TXNRD2: variants seen among roughly 807,000 people sequenced by gnomAD.
TXNRD2 encodes thioredoxin reductase 2.
Under a neutral mutation model 70.8 loss-of-function variants are expected in TXNRD2, and 67 were observed. The ratio of observed to expected loss-of-function variants is 0.95; its 90% CI spans 0.78 to 1.16. TXNRD2 has a LOEUF of 1.16. Among genes scored for constraint, TXNRD2 ranks in the 50% most tolerant of loss-of-function variants. TXNRD2 has a pLI of 0.00. For missense variants in TXNRD2, 644 were observed against 719.9 expected (o/e 0.89, Z 1.21); for synonymous variants, 301 against 295.8 (o/e 1.02, Z -0.18).
intron 8 of TXNRD2, among the ~76,000 whole-genome samples, chr22:19,900,348 CAT>C (rs1366224360): frequency 6.6e-6 from 1 of 152,206 alleles, no homozygotes; most frequent in East Asian, 1.9e-4. Flanking sequence ...TGCACACACA[CAT>C]AGGCACCACA....
In TXNRD2 at chr22:19,883,403, G is replaced by A. The variant is rs746370708; in HGVS notation, c.1008C>T (p.Pro336=). Residue 336 remains proline (P), a synonymous_variant, in exon 12 of 18, where the codon CCC becomes CCT. Transcript: ENST00000400521. The stretch of plus-strand genomic sequence containing the variant: ...AGTCCACCAGGATCTTCTGAGTGTC[G>A]GGGCTAGTATCTACCCCAGCCTTCT... The part of the protein sequence containing the change: ...NLEKAGVDTS[P]DTQKILVDSR... 43 of 1,614,036 alleles carry A rather than the reference G, an allele frequency of 2.7e-5. No individual in the cohort carries two copies. Among genetic ancestry groups the A allele is most frequent in the South Asian group, 2.4e-4 (22 of 91,080 alleles).
At chr22:19,914,523 G>C (rs778366071) in intron 7 of TXNRD2, among the ~76,000 whole-genome samples, 2 of 152,178 alleles carry the variant, frequency 1.3e-5, no homozygotes, top group Non-Finnish European at 2.9e-5. Flanking sequence ...AGTCACTAAG[G>C]GACACACACG....
chr22:19,926,461 G>A (rs573785586), intron 2 of TXNRD2, among the ~76,000 whole-genome samples: 1 of 152,098 alleles, frequency 6.6e-6, no homozygotes, highest in African/African-American at 2.4e-5. Flanking sequence ...CTGCACTCCA[G>A]TCAGGGTGAC....
chr22:19,940,844 C>T (rs1941686308), intron 1 of TXNRD2, among the ~76,000 whole-genome samples: 1 of 152,162 alleles, frequency 6.6e-6, no homozygotes, highest in South Asian at 2.1e-4. Flanking sequence ...ACCCTCCGTC[C>T]TGGAGACCCC....
At chr22:19,934,382 G>GAAAAAAAAAAAAA (rs35669821) in intron 1 of TXNRD2, among the ~76,000 whole-genome samples, 19 of 93,748 alleles carry the variant, frequency 2.0e-4, no homozygotes, top group African/African-American at 7.3e-4. Flanking sequence ...CTCTGTCTCA[G>GAAAAAAAAAAAAA]AAAAAAAAAA....
In TXNRD2 at chr22:19,915,789, G is replaced by A. The variant is rs752481782; in HGVS notation, c.504C>T (p.Cys168=). The A allele has an allele frequency of 5.5e-5, 88 of 1,614,080 alleles. No homozygotes were observed. Among genetic ancestry groups the A allele is most frequent in the Admixed American group, 6.7e-5 (4 of 60,002 alleles). Residue 168 remains cysteine (C), a synonymous_variant, in exon 6 of 18, where the codon TGC becomes TGT. Coordinates refer to ENST00000400521, the MANE Select transcript of TXNRD2 (RefSeq NM_006440.5). ...CCTCTTTCCCACCTTTGGCAACGCC[G>A]CAAACCGTGTGCTCGTCAACAAAGC... ...KASFVDEHTV[C]GVAKGGKEIL...
chr22:19,884,954 C>T (rs1267374769), intron 11 of TXNRD2, among the ~76,000 whole-genome samples: 1 of 152,192 alleles, frequency 6.6e-6, no homozygotes, highest in African/African-American at 2.4e-5. Flanking sequence ...GTCCAAACTA[C>T]ACCGTGCCCA....
chr22:19,905,671 A>C (rs1477847944), intron 8 of TXNRD2, among the ~76,000 whole-genome samples: 2 of 152,144 alleles, frequency 1.3e-5, no homozygotes, highest in Non-Finnish European at 2.9e-5. Flanking sequence ...ATTTCCCTGA[A>C]GGTCCAGCAG....
intron 11 of TXNRD2, chr22:19,884,619 C>A (rs1023305551): frequency 1.3e-5 from 2 of 152,246 alleles, no homozygotes; most frequent in Non-Finnish European, 2.9e-5. Flanking sequence ...CCTCAAGAGT[C>A]CAGAGGGGCC....
intron 2 of TXNRD2, among the ~76,000 whole-genome samples, chr22:19,922,821 G>C (rs879281430): frequency 6.6e-6 from 1 of 152,040 alleles, no homozygotes; most frequent in Admixed American, 6.6e-5. Context: ...TGAATAGCTG[G>C]GATTACAGGT....
rs578109898 is a variant in TXNRD2 at position 19,879,851 on chromosome 22, A to G, written c.1275+328T>C. On this transcript the variant is annotated intron_variant, in intron 14 of 17. Transcript: ENST00000400521. ...TGCTGGTGCTGGGCACCCCTGCAGCATGGCTGGGGTGGGGCTGGGGGCTTC... is the reference window on the plus strand; with the variant it reads ...TGCTGGTGCTGGGCACCCCTGCAGCGTGGCTGGGGTGGGGCTGGGGGCTTC... 3.5e-3 allele frequency among the ~76,000 whole-genome samples: 526 copies of G among 151,838 alleles called. 3 individuals are homozygous for G. The highest frequency in any genetic ancestry group is 0.012 in the African/African-American group (497 of 41,396).
In TXNRD2 at chr22:19,877,080, G is replaced by T. The variant is rs745412645; in HGVS notation, c.*25C>A. 1.3e-5 allele frequency: 20 copies of T among 1,580,980 alleles called. No homozygotes were observed. Among genetic ancestry groups the T allele is most frequent in the Non-Finnish European group, 1.6e-5 (18 of 1,155,004 alleles). The stretch of plus-strand genomic sequence containing the variant: ...GAGGAGCTGGCGGCGGGCGCACCGT[G>T]TGCCCTGGCCTGCAGGGATGGCGCT... On this transcript the variant is annotated 3_prime_UTR_variant, in exon 17 of 18. Coordinates refer to ENST00000400521, the MANE Select transcript of TXNRD2 (RefSeq NM_006440.5).
chr22:19,900,128 C>A (rs576935390), intron 8 of TXNRD2, among the ~76,000 whole-genome samples: 4 of 152,196 alleles, frequency 2.6e-5, no homozygotes, highest in Non-Finnish European at 5.9e-5. Flanking sequence ...GGGACAGAAC[C>A]GCACCACTGT....
chr22:19,935,107 G>A (rs889272926), intron 1 of TXNRD2, among the ~76,000 whole-genome samples: 1 of 152,174 alleles, frequency 6.6e-6, no homozygotes, highest in Non-Finnish European at 1.5e-5. Flanking sequence ...CAGGCAAAAA[G>A]AGCCATATTT....
At chr22:19,939,051 T>C (rs1280682836) in intron 1 of TXNRD2, among the ~76,000 whole-genome samples, 1 of 152,148 alleles carries the variant, frequency 6.6e-6, no homozygotes, top group Non-Finnish European at 1.5e-5. Flanking sequence ...CTGGAACAAT[T>C]ATAACGTGGG....
intron 2 of TXNRD2, among the ~76,000 whole-genome samples, chr22:19,924,366 C>T (rs897584767): frequency 7.9e-5 from 12 of 152,248 alleles, no homozygotes; most frequent in South Asian, 2.1e-4. Context: ...ATTCCACCAC[C>T]CCCCGCACCC....
At chr22:19,878,536 G>A (rs1010765905) in intron 14 of TXNRD2, 99 bp from the exon 15 acceptor site, 33 of 1,126,106 alleles carry the variant, frequency 2.9e-5, no homozygotes, top group East Asian at 9.4e-5. Flanking sequence ...GGGTCATGGC[G>A]GGCAGGAACC....
In TXNRD2 at chr22:19,903,293, G is replaced by A. The variant is rs544903061; in HGVS notation, c.663-4225C>T. On this transcript the variant is annotated intron_variant, in intron 8 of 17. Transcript: ENST00000400521. ...TCCGGGAAGCAGTACCTCCGTTATC[G>A]GACCTGAGAGGAGGCTGCGGTCTCA... Among the ~76,000 whole-genome samples the A allele has an allele frequency of 5.3e-5, 8 of 152,368 alleles. No individual in the cohort carries two copies. The South Asian group carries it at 1.2e-3, about 24-fold the overall frequency.
rs1423812448 is a variant in TXNRD2, at chr22:19,919,544, T to G, written c.228A>C (p.Gln76His). The G allele has an allele frequency of 1.3e-6, 2 of 1,559,716 alleles. No individual in the cohort carries two copies. Among genetic ancestry groups the G allele is most frequent in the South Asian group, 2.4e-5 (2 of 84,420 alleles). Residue 76 changes from glutamine (Q) to histidine (H), a missense_variant and splice_region_variant, in exon 3 of 18, where the codon CAA becomes CAC. By Grantham distance (24) the Gln-to-His change is conservative (BLOSUM62 0). Transcript: ENST00000400521. ...AVVDYVEPSP[Q>H]GTRWGLGGTC... ...CGGCTCCCATAGGGTGCTGCCTACC[T>G]TGGGGAGAAGGTTCCACGTAGTCCA...
Sources: gnomAD v4.1 joint callset for allele counts (sites outside exome capture counted in the v4.1 genomes callset) on GRCh38, gnomAD v4.1.1 for gene constraint, MANE v1.5 for transcripts, NCBI Gene and HGNC (gene_info 2026-07-23, HGNC 2026-07-21) for gene names.